The following RASGRP1 variants were observed in gnomAD, a reference collection of about 807,000 sequenced individuals.
RASGRP1 encodes the protein RAS guanyl-releasing protein 1.
A neutral mutation model predicts 95.1 loss-of-function variants in RASGRP1; 37 were observed. The ratio of observed to expected loss-of-function variants is 0.39; its 90% confidence interval spans 0.30 to 0.51. The LOEUF is 0.51. Among genes scored for constraint, RASGRP1 ranks in the 20% least tolerant of loss-of-function variants. The pLI is 0.80. For synonymous variants in RASGRP1, 325 were observed against 353.4 expected, an observed-to-expected ratio of 0.92 and a Z score of 0.90; for missense variants, 711 against 965.4, an observed-to-expected ratio of 0.74 and a Z score of 3.49.
At chr15:38,505,000 T>C (rs1891196106) in intron 10 of RASGRP1, 1 of 152,232 alleles carries the variant, frequency 6.6e-6, no homozygotes, top group Admixed American at 6.5e-5. Flanking sequence ...ACCCTTTCCA[T>C]TGAAATGCCT....
intron 2 of RASGRP1, among the ~76,000 whole-genome samples, chr15:38,540,510 A>G (rs1441329981): frequency 6.6e-6 from 1 of 152,214 alleles, no homozygotes; most frequent in Non-Finnish European, 1.5e-5. Context: ...ACCTGAGGGC[A>G]TGTGGGAAGG....
chr15:38,497,925 G>C (rs902860656), intron 15 of RASGRP1, among the ~76,000 whole-genome samples: 3 of 152,060 alleles, frequency 2.0e-5, no homozygotes, highest in African/African-American at 7.2e-5. Flanking sequence ...TTTGCCCCCC[G>C]CCCTTCCTTT....
rs1238742931 is a variant in RASGRP1 at position 38,489,148 on chromosome 15, C to A, written c.*1406G>T. 6.6e-6 allele frequency: 1 copy of A among 151,842 alleles called. No homozygotes were observed. Among genetic ancestry groups the A allele is most frequent in the Non-Finnish European group, 1.5e-5 (1 of 67,858 alleles). The allele number at this position is 151,842 out of a possible 1,614,324, so 9.4% of individuals were successfully genotyped here. A position where few individuals can be genotyped will look rare whatever the true frequency, so the allele number is the denominator to read the frequency against. ...TGGAACTTTTAATTGTTAACATATT[C>A]TTGGCAATTGGACAACTTGTTTATG... On this transcript the variant is annotated 3_prime_UTR_variant, in exon 17 of 17. Transcript: ENST00000310803.
In RASGRP1 at chr15:38,559,929, G is replaced by T; in HGVS notation, c.112C>A (p.His38Asn). ...TGGGTGATGTGGGCCAAGCTGGGAT[G>T]GGAGGGGAAGGGGCTGTTGGCTGGC... ...AKPANSPFPSHPSLAHITQFR... is the reference protein window; with the variant it reads ...AKPANSPFPSNPSLAHITQFR... Residue 38 changes from histidine to asparagine, a missense_variant, in exon 2 of 17, where the codon CAT (histidine) becomes AAT (asparagine). His to Asn is a moderately conservative substitution (Grantham distance 68). Transcript: ENST00000310803. 6.2e-7 allele frequency: 1 copy of T among 1,613,466 alleles called. No homozygotes were observed. The highest frequency in any genetic ancestry group is 8.5e-7 in the Non-Finnish European group (1 of 1,179,616).
In RASGRP1 at chr15:38,516,158, T is replaced by C. The variant is rs762929459; in HGVS notation, c.675+39A>G. On this transcript the variant is annotated intron_variant, in intron 6 of 16. Coordinates refer to ENST00000310803, the MANE Select transcript of RASGRP1 (RefSeq NM_005739.4). ...AATTATCATCTTATTTTCAGAAATA[T>C]CCCAGGGAAGATTTTTCTCCTGCCC... The C allele has an allele frequency of 2.0e-6, 3 of 1,528,510 alleles. No homozygotes were observed. In the African/African-American group the frequency reaches 4.1e-5, roughly 21 times the overall value. 94.7% of individuals were successfully genotyped at this position (1,528,510 alleles called of 1,614,324 possible). A position where few individuals can be genotyped will look rare whatever the true frequency, so the allele number is the denominator to read the frequency against.
rs1420900357 is a variant in RASGRP1, at chr15:38,488,217, T to C, written c.*2337A>G. The C allele has an allele frequency of 1.3e-5, 2 of 152,042 alleles. No homozygotes were observed. The highest frequency in any genetic ancestry group is 3.8e-4 in the East Asian group (2 of 5,200). 9.4% of individuals were successfully genotyped at this position (152,042 alleles called of 1,614,324 possible). On this transcript the variant is annotated 3_prime_UTR_variant, in exon 17 of 17. Coordinates refer to ENST00000310803, the MANE Select transcript of RASGRP1 (RefSeq NM_005739.4). ...GTTTTTTTCTTGCATTTCTATATTA[T>C]ACATTTTGAGACAGAAATTCACAAC...
Position 38,564,766 on chromosome 15 carries a change from C to A in RASGRP1, c.-138G>T. ...CCCGGCGCCCGCCAGCCCTCGAGCC[C>A]GGCGAGCCCGACCGAGGTGCACCGC... On this transcript the variant is annotated 5_prime_UTR_variant, in exon 1 of 17. Transcript: ENST00000310803. 1.5e-6 allele frequency: 1 copy of A among 683,290 alleles called. No homozygotes were observed. Among genetic ancestry groups the A allele is most frequent in the East Asian group, 6.2e-5 (1 of 16,248 alleles). 42.3% of individuals were successfully genotyped at this position (683,290 alleles called of 1,614,324 possible). A position where few individuals can be genotyped will look rare whatever the true frequency, so the allele number is the denominator to read the frequency against.
chr15:38,529,139 G>A (rs996747019), intron 2 of RASGRP1, among the ~76,000 whole-genome samples: 8 of 152,128 alleles, frequency 5.3e-5, no homozygotes, highest in African/African-American at 1.9e-4. Flanking sequence ...TAGCCACCAT[G>A]ATGCAATGAC....
chr15:38,516,426 T>C, intron 5 of RASGRP1, 76 bp from the exon 6 acceptor site: 1 of 1,498,348 alleles, frequency 6.7e-7, no homozygotes, highest in Non-Finnish European at 9.3e-7. Flanking sequence ...TCCATTAACA[T>C]TTCTCACAAG....
At chr15:38,544,107 T>C (rs1472792906) in intron 2 of RASGRP1, among the ~76,000 whole-genome samples, 2 of 152,168 alleles carry the variant, frequency 1.3e-5, no homozygotes, top group Non-Finnish European at 1.5e-5. Context: ...CAAGATTAGC[T>C]CATATTCTAG....
rs747455062 is a variant in RASGRP1 at position 38,490,553 on chromosome 15, G to A, written c.*1C>T. Reference sequence around the variant, plus strand: ...ACAGATTGTGCTACTTAGTTTCTGGGCTAAGAACAGTCACCCTGCTCCATT... The same window carrying A: ...ACAGATTGTGCTACTTAGTTTCTGGACTAAGAACAGTCACCCTGCTCCATT... On this transcript the variant is annotated 3_prime_UTR_variant, in exon 17 of 17. Coordinates refer to ENST00000310803, the MANE Select transcript of RASGRP1 (RefSeq NM_005739.4). 7 of 1,594,386 alleles carry A rather than the reference G, an allele frequency of 4.4e-6. No individual in the cohort carries two copies. In the South Asian group the frequency reaches 7.7e-5, roughly 18 times the overall value.
intron 2 of RASGRP1, among the ~76,000 whole-genome samples, chr15:38,547,431 T>C (rs966248057): frequency 6.6e-6 from 1 of 152,176 alleles, no homozygotes; most frequent in Non-Finnish European, 1.5e-5. Flanking sequence ...CTCCAGTTCC[T>C]TTCCCTCAGA....
At chr15:38,532,241 TAATAA>T (rs1454710157) in intron 2 of RASGRP1, among the ~76,000 whole-genome samples, 2 of 152,226 alleles carry the variant, frequency 1.3e-5, no homozygotes, top group African/African-American at 4.8e-5. Context: ...GTGCAACGCA[TAATAA>T]AATGTGCGTA....
Position 38,546,227 on chromosome 15 carries a change from A to ATTTT in RASGRP1, c.220+13593_220+13594insAAAA, listed in dbSNP as rs202138336. Among the ~76,000 whole-genome samples the ATTTT allele has an allele frequency of 2.7e-5, 4 of 148,740 alleles. No individual in the cohort carries two copies. The East Asian group carries it at 7.7e-4, about 29-fold the overall frequency. ...AAATTATAACTTTATTTATTTATTT[A>ATTTT]TTTATTTTTGAGATGGAGTCCCGCT... On this transcript the variant is annotated intron_variant, in intron 2 of 16. Coordinates refer to ENST00000310803, the MANE Select transcript of RASGRP1 (RefSeq NM_005739.4).
At chr15:38,543,122 T>C (rs933807186) in intron 2 of RASGRP1, among the ~76,000 whole-genome samples, 1 of 149,704 alleles carries the variant, frequency 6.7e-6, no homozygotes, top group Non-Finnish European at 1.5e-5. Context: ...AAAAACATTG[T>C]CCTAAATTTC....
rs1436763106 is a variant in RASGRP1, at chr15:38,489,439, A to T, written c.*1115T>A. 1 of 152,430 alleles carries T rather than the reference A, an allele frequency of 6.6e-6. No individual in the cohort carries two copies. Among genetic ancestry groups the T allele is most frequent in the Non-Finnish European group, 1.5e-5 (1 of 67,932 alleles). 9.4% of individuals were successfully genotyped at this position (152,430 alleles called of 1,614,324 possible). A position where few individuals can be genotyped will look rare whatever the true frequency, so the allele number is the denominator to read the frequency against. On this transcript the variant is annotated 3_prime_UTR_variant, in exon 17 of 17. Coordinates refer to ENST00000310803, the MANE Select transcript of RASGRP1 (RefSeq NM_005739.4). ...TTAATCTTGTGACAAACTGAACTTTATATTTGTGACTTTGTATAAATGACT... is the reference window on the plus strand; with the variant it reads ...TTAATCTTGTGACAAACTGAACTTTTTATTTGTGACTTTGTATAAATGACT...
At position 38,564,812 on chromosome 15, in the gene RASGRP1, C is replaced by T. The variant is rs1024476811; in HGVS notation, c.-184G>A. ...ACCGCAGGCACAAACTTTGTGCGAG[C>T]GCGCCCCCTCTGCCTCGCGCGCGCG... On this transcript the variant is annotated 5_prime_UTR_variant, in exon 1 of 17. Coordinates refer to ENST00000310803, the MANE Select transcript of RASGRP1 (RefSeq NM_005739.4). 1.5e-5 allele frequency: 5 copies of T among 332,478 alleles called. No homozygotes were observed. Among genetic ancestry groups the T allele is most frequent in the African/African-American group, 2.2e-5 (1 of 45,414 alleles). 20.6% of individuals were successfully genotyped at this position (332,478 alleles called of 1,614,324 possible). A position where few individuals can be genotyped will look rare whatever the true frequency, so the allele number is the denominator to read the frequency against.
At chr15:38,511,070 T>A (rs1312831791) in intron 8 of RASGRP1, among the ~76,000 whole-genome samples, 5 of 152,198 alleles carry the variant, frequency 3.3e-5, no homozygotes, top group Non-Finnish European at 4.4e-5. Flanking sequence ...AGAAAAATAT[T>A]CATTAATAAA....
In RASGRP1 at chr15:38,503,573, C is replaced by T. The variant is rs561451170; in HGVS notation, c.1324-197G>A. On this transcript the variant is annotated intron_variant, in intron 10 of 16. Coordinates refer to ENST00000310803, the MANE Select transcript of RASGRP1 (RefSeq NM_005739.4). ...TAACAAGGCATTGTGCTTACGGTTTCCAGAGTGCTCTTCACATACATTATC... is the reference window on the plus strand; with the variant it reads ...TAACAAGGCATTGTGCTTACGGTTTTCAGAGTGCTCTTCACATACATTATC... 23 of 589,504 alleles carry T rather than the reference C, an allele frequency of 3.9e-5. No individual in the cohort carries two copies. In the East Asian group the frequency reaches 6.0e-4, roughly 15 times the overall value. The allele number at this position is 589,504 out of a possible 1,614,324, so 36.5% of individuals were successfully genotyped here.
Sources: allele counts gnomAD v4.1 joint callset (sites outside exome capture counted in the v4.1 genomes callset), GRCh38; gene constraint gnomAD v4.1.1; transcripts MANE v1.5; gene names NCBI Gene and HGNC (gene_info 2026-07-23, HGNC 2026-07-21).